SCP2: variants seen among roughly 807,000 people sequenced by gnomAD.
The protein encoded by SCP2 is SCP-2/3-oxoacyl-CoA thiolase.
In SCP2, 48 loss-of-function variants were observed where a neutral mutation model predicts 71.4. That is an observed-to-expected ratio of 0.67 (90% CI 0.53 to 0.86). The LOEUF is 0.86. Among genes scored for constraint, SCP2 ranks in the 40% least tolerant of loss-of-function variants. The pLI is 0.00. For missense variants in SCP2, 560 were observed against 655.6 expected (o/e 0.85, Z 1.59); for synonymous variants, 220 against 218.1 (o/e 1.01, Z -0.08).
chr1:53,017,924 G>A (rs761861129), intron 12 of SCP2, among the ~76,000 whole-genome samples: 18 of 151,972 alleles, frequency 1.2e-4, no homozygotes, highest in Non-Finnish European at 2.5e-4. Flanking sequence ...GCACAATCTC[G>A]GCTCACTGCA....
At chr1:53,047,968 T>C in intron 15 of SCP2, 31 bp downstream of exon 15, 1 of 1,469,820 alleles carries the variant, frequency 6.8e-7, no homozygotes, top group Non-Finnish European at 9.5e-7. Flanking sequence ...ATCCTGCTAG[T>C]AGGTAGGTCT....
At chr1:52,969,120 GGAAGAGGAGGCA>G (rs1657229472) in intron 6 of SCP2, among the ~76,000 whole-genome samples, 1 of 151,188 alleles carries the variant, frequency 6.6e-6, no homozygotes, top group African/African-American at 2.4e-5. Context: ...CAGAAGAGGT[GGAAGAGGAGGCA>G]GAAGAGGCAG....
chr1:53,008,477 A>G (rs761803303), intron 11 of SCP2, among the ~76,000 whole-genome samples: 1 of 152,228 alleles, frequency 6.6e-6, no homozygotes. Context: ...GGTTCAACAT[A>G]TGCAAATTAA....
chr1:52,945,787 T>C (rs1308997488), intron 2 of SCP2, among the ~76,000 whole-genome samples: 2 of 149,650 alleles, frequency 1.3e-5, no homozygotes, highest in Non-Finnish European at 2.9e-5. Flanking sequence ...GACATTTAGG[T>C]TCCCAAGTTT....
At chr1:53,025,069 T>C (rs1662026755) in intron 12 of SCP2, among the ~76,000 whole-genome samples, 1 of 152,126 alleles carries the variant, frequency 6.6e-6, no homozygotes, top group South Asian at 2.1e-4. Flanking sequence ...ACTCTTCAAT[T>C]CACTATAATC....
At chr1:53,037,496 G>T (rs191538679) in intron 13 of SCP2, among the ~76,000 whole-genome samples, 64 of 150,850 alleles carry the variant, frequency 4.2e-4, no homozygotes, top group African/African-American at 1.5e-3. Flanking sequence ...AATGCTTCAG[G>T]AAGGAAAGGC....
chr1:52,999,411 A>T (rs778049778), intron 11 of SCP2, among the ~76,000 whole-genome samples: 13 of 152,204 alleles, frequency 8.5e-5, no homozygotes, highest in Non-Finnish European at 1.6e-4. Flanking sequence ...AGGGTGTAAG[A>T]TTCTCTTCTG....
chr1:52,995,288 C>A, intron 11 of SCP2: 1 of 482,524 alleles, frequency 2.1e-6, no homozygotes, highest in Non-Finnish European at 4.1e-6. Flanking sequence ...ATCCATCAGT[C>A]GGTAGAGAAC....
Position 53,020,841 on chromosome 1 carries a change from G to A in SCP2, c.1235+5798G>A, listed in dbSNP as rs1300071650. On this transcript the variant is annotated intron_variant, in intron 12 of 15. Transcript: ENST00000371514. ...ACCCATGTGCCTGCTCTGAGGTCAT[G>A]GGGAGTAGCTGATTACAAATGAACT... 4.6e-5 allele frequency among the ~76,000 whole-genome samples: 7 copies of A among 152,210 alleles called. No homozygotes were observed. The East Asian group carries it at 1.4e-3, about 29-fold the overall frequency.
At chr1:52,994,353 T>G (rs192953502) in intron 11 of SCP2, 1,134 of 907,762 alleles carry the variant, frequency 1.2e-3, no homozygotes, top group Non-Finnish European at 1.4e-3. Context: ...GATATTTCAT[T>G]TTAGTTGTTC....
chr1:52,976,273 C>T (rs886804064), intron 7 of SCP2, among the ~76,000 whole-genome samples: 5 of 152,070 alleles, frequency 3.3e-5, no homozygotes, highest in African/African-American at 9.7e-5. Context: ...TGAACTCAAT[C>T]TCCAGCCTTC....
At chr1:53,047,767 A>G in intron 14 of SCP2, 91 bp from the exon 15 acceptor site, 1 of 862,458 alleles carries the variant, frequency 1.2e-6, no homozygotes, top group South Asian at 1.3e-5. Flanking sequence ...GCTGGTTATA[A>G]TTCTGTTGCA....
chr1:52,993,718 A>T, intron 11 of SCP2: 3 of 1,611,132 alleles, frequency 1.9e-6, no homozygotes, highest in Non-Finnish European at 2.5e-6. Flanking sequence ...AACTTAGGAA[A>T]CAAAACATTT....
intron 1 of SCP2, among the ~76,000 whole-genome samples, chr1:52,940,723 T>C (rs1654155197): frequency 6.6e-6 from 1 of 152,148 alleles, no homozygotes; most frequent in African/African-American, 2.4e-5. Context: ...GGACCTAAGG[T>C]ACTTTTATGT....
rs1189654456 is a variant in SCP2, at chr1:52,927,369, C to T, written c.-28C>T. The T allele has an allele frequency of 1.3e-6, 2 of 1,557,158 alleles. No individual in the cohort carries two copies. The highest frequency in any genetic ancestry group is 8.7e-7 in the Non-Finnish European group (1 of 1,148,854). ...TCAGTGCCGGCAGTCGTCCGCGGCG[C>T]CCGCCCCGGTCCCGCACTGGTGCAG... On this transcript the variant is annotated 5_prime_UTR_variant, in exon 1 of 16. Coordinates refer to ENST00000371514, the MANE Select transcript of SCP2 (RefSeq NM_002979.5).
intron 11 of SCP2, among the ~76,000 whole-genome samples, chr1:52,997,170 A>AT (rs1250124693): frequency 2.0e-5 from 3 of 151,992 alleles, no homozygotes; most frequent in African/African-American, 7.3e-5. Flanking sequence ...ATTTATTTTT[A>AT]TTTTTTTAGA....
At chr1:53,040,144 C>T (rs940204429) in intron 14 of SCP2, among the ~76,000 whole-genome samples, 4 of 152,196 alleles carry the variant, frequency 2.6e-5, no homozygotes, top group East Asian at 1.9e-4. Flanking sequence ...CCGGTCTCCC[C>T]GATTCTGTTC....
At chr1:52,947,910 A>G (rs1654947003) in intron 2 of SCP2, 99 bp from the exon 3 acceptor site, 5 of 790,548 alleles carry the variant, frequency 6.3e-6, no homozygotes, top group Admixed American at 5.2e-5. Context: ...CATAGACTAT[A>G]TAGAGGTAGT....
intron 13 of SCP2, among the ~76,000 whole-genome samples, chr1:53,037,931 G>A (rs867778660): frequency 2.9e-5 from 2 of 69,108 alleles, no homozygotes; most frequent in Non-Finnish European, 6.8e-5. Flanking sequence ...CACACACACA[G>A]ATCCAGATCC....
Sources: allele counts gnomAD v4.1 joint callset (sites outside exome capture counted in the v4.1 genomes callset), GRCh38; gene constraint gnomAD v4.1.1; transcripts MANE v1.5; gene names NCBI Gene and HGNC (gene_info 2026-07-23, HGNC 2026-07-21).